The following ADAMTS3 variants were observed in gnomAD, a reference collection of about 807,000 sequenced individuals.
ADAMTS3 encodes the protein ADAM metallopeptidase with thrombospondin type 1 motif 3.
ADAMTS3 carries 73 observed loss-of-function variants against 129.0 expected under a neutral mutation model. The ratio of observed to expected loss-of-function variants is 0.57; its 90% CI spans 0.47 to 0.69. The LOEUF is 0.69. ADAMTS3 is among the 30% of genes least tolerant of loss of function. ADAMTS3 has a pLI of 0.00. For missense variants in ADAMTS3, 1,457 were observed against 1,514.5 expected (o/e 0.96, Z 0.63); for synonymous variants, 477 against 510.8 (o/e 0.93, Z 0.89).
chr4:72,471,031 G>T (rs1041977866), intron 3 of ADAMTS3, among the ~76,000 whole-genome samples: 1 of 152,054 alleles, frequency 6.6e-6, no homozygotes, highest in African/African-American at 2.4e-5. Context: ...CGAATGAGCC[G>T]TTTTTTCATG....
chr4:72,529,961 T>C, intron 3 of ADAMTS3, among the ~76,000 whole-genome samples: 1 of 3,576 alleles, frequency 2.8e-4, no homozygotes, highest in Non-Finnish European at 1.8e-3. Context: ...ATATATAATA[T>C]ATTATATTTA....
At chr4:72,410,993 TAGA>T (rs1274743692) in intron 4 of ADAMTS3, among the ~76,000 whole-genome samples, 1 of 152,176 alleles carries the variant, frequency 6.6e-6, no homozygotes, top group Non-Finnish European at 1.5e-5. Flanking sequence ...ACTTCTGCAC[TAGA>T]AGACACCATT....
At chr4:72,517,463 T>C (rs900448116) in intron 3 of ADAMTS3, among the ~76,000 whole-genome samples, 24 of 152,310 alleles carry the variant, frequency 1.6e-4, no homozygotes, top group Admixed American at 1.5e-3. Context: ...ATCCATCTGG[T>C]CCTGGACTCT....
chr4:72,427,816 C>T (rs1722608603), intron 3 of ADAMTS3, among the ~76,000 whole-genome samples: 1 of 151,962 alleles, frequency 6.6e-6, no homozygotes, highest in African/African-American at 2.4e-5. Flanking sequence ...CCACTCTAAC[C>T]CTTCTCCTCT....
At chr4:72,371,253 T>A (rs1720997560) in intron 4 of ADAMTS3, among the ~76,000 whole-genome samples, 1 of 152,126 alleles carries the variant, frequency 6.6e-6, no homozygotes, top group South Asian at 2.1e-4. Context: ...TTATGGCAAC[T>A]TTCAGAAACC....
At chr4:72,417,121 C>G (rs1179229851) in intron 3 of ADAMTS3, among the ~76,000 whole-genome samples, 8 of 152,202 alleles carry the variant, frequency 5.3e-5, no homozygotes, top group Non-Finnish European at 1.0e-4. Context: ...TCTGTAACAT[C>G]TACATTATTC....
chr4:72,420,474 T>C (rs1234371800), intron 3 of ADAMTS3, among the ~76,000 whole-genome samples: 1 of 152,236 alleles, frequency 6.6e-6, no homozygotes, highest in Admixed American at 6.5e-5. Flanking sequence ...ACTACCCATC[T>C]GCTTCTCAAC....
chr4:72,404,515 A>T lies in ADAMTS3; in HGVS notation c.661+10300T>A, dbSNP rs1182442977. Among the ~76,000 whole-genome samples, 3 of 152,126 alleles carry T rather than the reference A, an allele frequency of 2.0e-5. No homozygotes were observed. In the East Asian group the frequency reaches 5.8e-4, roughly 29 times the overall value. ...ATAAACAAAAATCAACCCCAGATGGATTGAAGACTTAAATGTAAGAACTGA... is the reference window on the plus strand; with the variant it reads ...ATAAACAAAAATCAACCCCAGATGGTTTGAAGACTTAAATGTAAGAACTGA... On this transcript the variant is annotated intron_variant, in intron 4 of 21. Coordinates refer to ENST00000286657, the MANE Select transcript of ADAMTS3 (RefSeq NM_014243.3).
At chr4:72,513,392 T>A (rs1720367506) in intron 3 of ADAMTS3, among the ~76,000 whole-genome samples, 1 of 152,158 alleles carries the variant, frequency 6.6e-6, no homozygotes, top group African/African-American at 2.4e-5. Flanking sequence ...CAGCTACTGT[T>A]CTACTTCCTC....
At chr4:72,535,203 C>G (rs529966809) in intron 3 of ADAMTS3, among the ~76,000 whole-genome samples, 5 of 152,132 alleles carry the variant, frequency 3.3e-5, no homozygotes, top group Non-Finnish European at 5.9e-5. Flanking sequence ...ACACCCTAAG[C>G]AAAGTCAAAT....
intron 3 of ADAMTS3, among the ~76,000 whole-genome samples, chr4:72,498,271 A>G (rs1258398332): frequency 6.6e-6 from 1 of 152,014 alleles, no homozygotes; most frequent in Admixed American, 6.6e-5. Flanking sequence ...AGCCATCTAT[A>G]GTGCTTTTAG....
intron 3 of ADAMTS3, among the ~76,000 whole-genome samples, chr4:72,473,293 A>G (rs1719128660): frequency 6.6e-6 from 1 of 152,100 alleles, no homozygotes; most frequent in Non-Finnish European, 1.5e-5. Flanking sequence ...AGACTAGCTA[A>G]AGACCTCAAG....
chr4:72,333,487 C>T (rs542783415), intron 5 of ADAMTS3, among the ~76,000 whole-genome samples: 1 of 152,276 alleles, frequency 6.6e-6, no homozygotes, highest in African/African-American at 2.4e-5. Context: ...AATAAAGCAT[C>T]CTCTCTTGCC....
intron 5 of ADAMTS3, among the ~76,000 whole-genome samples, chr4:72,324,712 G>A (rs1297559206): frequency 6.6e-6 from 1 of 152,132 alleles, no homozygotes; most frequent in Non-Finnish European, 1.5e-5. Flanking sequence ...GATAGCTCAT[G>A]CACAAGTTGT....
chr4:72,457,342 A>C (rs1718652057), intron 3 of ADAMTS3, among the ~76,000 whole-genome samples: 1 of 151,816 alleles, frequency 6.6e-6, no homozygotes, highest in Non-Finnish European at 1.5e-5. Context: ...ATTGACTTGT[A>C]GTATAAGGGA....
rs532002226 is a variant in ADAMTS3 at position 72,527,787 on chromosome 4, G to A, written c.504+20691C>T. Among the ~76,000 whole-genome samples, 12 of 152,258 alleles carry A rather than the reference G, an allele frequency of 7.9e-5. 1 individual carries two copies. The South Asian group carries it at 2.1e-3, about 26-fold the overall frequency. ...AAAAGAAGCACAGGGTTACAAGGCC[G>A]AGCTCTGGGTACCAAGAGGAAGGAA... On this transcript the variant is annotated intron_variant, in intron 3 of 21. Coordinates refer to ENST00000286657, the MANE Select transcript of ADAMTS3 (RefSeq NM_014243.3).
At chr4:72,326,630 A>T (rs960805211) in intron 5 of ADAMTS3, among the ~76,000 whole-genome samples, 3 of 152,216 alleles carry the variant, frequency 2.0e-5, no homozygotes, top group Middle Eastern at 6.8e-3. Flanking sequence ...AACAAGCAAG[A>T]TCATACAACT....
Position 72,478,000 on chromosome 4 carries a change from T to G in ADAMTS3, c.505-63029A>C, listed in dbSNP as rs541962499. On this transcript the variant is annotated intron_variant, in intron 3 of 21. Transcript: ENST00000286657. ...TCCCAAGACTAAACCAGGAAGAAGT[T>G]GAATCTCTGAATAGACAAATAACAA... Among the ~76,000 whole-genome samples the G allele has an allele frequency of 2.0e-3, 310 of 152,184 alleles. 1 individual carries two copies. Among genetic ancestry groups the G allele is most frequent in the African/African-American group, 6.7e-3 (279 of 41,518 alleles).
At chr4:72,339,913 T>C (rs112350686) in intron 4 of ADAMTS3, among the ~76,000 whole-genome samples, 3,683 of 152,224 alleles carry the variant, frequency 0.024, 152 homozygotes, top group African/African-American at 0.084. Context: ...TAAAATCATA[T>C]TATTATACAG....
Sources: gnomAD v4.1 joint callset for allele counts (sites outside exome capture counted in the v4.1 genomes callset) on GRCh38, gnomAD v4.1.1 for gene constraint, MANE v1.5 for transcripts, NCBI Gene and HGNC (gene_info 2026-07-23, HGNC 2026-07-21) for gene names.